Variants in TMEM39A observed in about 807,000 individuals in gnomAD.
TMEM39A encodes the protein suppressor of SQST-1 aggregates in rpl-43 mutants.
Under a neutral mutation model 51.9 loss-of-function variants are expected in TMEM39A, and 19 were observed. The observed-to-expected ratio is 0.37, with a 90% CI of 0.26 to 0.54. The LOEUF (loss-of-function observed/expected upper bound fraction) is 0.54, where lower values mean the gene tolerates loss of function less well. Ranked by LOEUF, TMEM39A falls within the 20% of genes least tolerant of loss-of-function variation. The pLI is 0.88. For synonymous variants in TMEM39A, 197 were observed against 220.2 expected, an observed-to-expected ratio of 0.89 and a Z score of 0.93; for missense variants, 433 against 590.5, an observed-to-expected ratio of 0.73 and a Z score of 2.76.
chr3:119,453,023 G>T (rs34834687), intron 3 of TMEM39A, among the ~76,000 whole-genome samples: 22,064 of 152,078 alleles, frequency 0.15, 2,010 homozygotes, highest in Admixed American at 0.2. Flanking sequence ...CTCCTAGTTT[G>T]ATTTAGAAGT....
Position 119,431,772 on chromosome 3 carries a change from C to T in TMEM39A, c.*209G>A, listed in dbSNP as rs556588258. 68 of 400,770 alleles carry T rather than the reference C, an allele frequency of 1.7e-4. No individual in the cohort carries two copies. The highest frequency in any genetic ancestry group is 2.7e-4 in the Non-Finnish European group (61 of 225,834). 24.8% of individuals were successfully genotyped at this position (400,770 alleles called of 1,614,324 possible). On this transcript the variant is annotated 3_prime_UTR_variant, in exon 9 of 9. Coordinates refer to ENST00000319172, the MANE Select transcript of TMEM39A (RefSeq NM_018266.3). ...CTCTTTACTGGACAGGCATACCTCT[C>T]ATATGTATATTATTCGAATATACTA...
At chr3:119,442,979 T>A (rs1265803374) in intron 5 of TMEM39A, among the ~76,000 whole-genome samples, 1 of 147,036 alleles carries the variant, frequency 6.8e-6, no homozygotes, top group African/African-American at 2.5e-5. Context: ...GGTGGGAGGA[T>A]CACTTGAGCC....
chr3:119,442,335 T>C (rs926353575), intron 5 of TMEM39A, among the ~76,000 whole-genome samples: 7 of 128,604 alleles, frequency 5.4e-5, no homozygotes, highest in South Asian at 2.6e-4. Context: ...AGAGAAAGAC[T>C]CCATCTCAAA....
intron 5 of TMEM39A, 34 bp downstream of exon 5, chr3:119,446,984 T>C (rs1269757830): frequency 9.4e-6 from 15 of 1,589,098 alleles, no homozygotes; most frequent in Non-Finnish European, 1.3e-5. Flanking sequence ...TTTCTAAAGA[T>C]TTACTAATAA....
rs372035209 is a variant in TMEM39A at position 119,447,092 on chromosome 3, T to A, written c.501A>T (p.Gly167=). The A allele has an allele frequency of 4.0e-5, 65 of 1,614,042 alleles. No individual in the cohort carries two copies. Among genetic ancestry groups the A allele is most frequent in the Non-Finnish European group, 5.2e-5 (61 of 1,180,012 alleles). ...TGACGAGGGTCCAACAAAGTACCCATCCACACAAAGTGAGTAGTACCAAGC... is the reference window on the plus strand; with the variant it reads ...TGACGAGGGTCCAACAAAGTACCCAACCACACAAAGTGAGTAGTACCAAGC... ...SARLVLLTLC[G]WVLCWTLVNL... The change falls in exon 5 of 9, where the codon GGA becomes GGT. Residue 167 remains glycine, a synonymous_variant. Transcript: ENST00000319172.
chr3:119,432,324 T>C (rs1228515392), intron 8 of TMEM39A, 110 bp from the exon 9 acceptor site: 1 of 686,216 alleles, frequency 1.5e-6, no homozygotes, highest in African/African-American at 1.8e-5. Flanking sequence ...TTCCCATATA[T>C]AATAATAAAT....
intron 5 of TMEM39A, among the ~76,000 whole-genome samples, chr3:119,438,604 T>G (rs186806818): frequency 6.6e-6 from 1 of 152,352 alleles, no homozygotes; most frequent in East Asian, 1.9e-4. Context: ...TACAATAGTA[T>G]TCTCATATAG....
intron 7 of TMEM39A, 147 bp downstream of exon 7, chr3:119,436,644 A>T: frequency 2.4e-6 from 2 of 830,628 alleles, no homozygotes; most frequent in Non-Finnish European, 3.8e-6. Flanking sequence ...CCTTGTATTC[A>T]GTTTAGCATG....
intron 4 of TMEM39A, among the ~76,000 whole-genome samples, chr3:119,450,771 A>G (rs2081187116): frequency 7.2e-6 from 1 of 138,970 alleles, no homozygotes; most frequent in Non-Finnish European, 1.5e-5. Context: ...GCATGAGCTG[A>G]GATGGCACCA....
At chr3:119,444,910 C>T (rs944666645) in intron 5 of TMEM39A, among the ~76,000 whole-genome samples, 10 of 152,058 alleles carry the variant, frequency 6.6e-5, no homozygotes, top group African/African-American at 2.2e-4. Flanking sequence ...CCTGTCTCTA[C>T]AAAACAAAAC....
chr3:119,432,798 T>C lies in TMEM39A; in HGVS notation c.1234-584A>G, dbSNP rs545052706. On this transcript the variant is annotated intron_variant, in intron 8 of 8. Coordinates refer to ENST00000319172, the MANE Select transcript of TMEM39A (RefSeq NM_018266.3). Reference sequence around the variant, plus strand: ...CTGTTTACCCACCATGGTCACTGACTGAAATCCTCTACACCATATACCTGT... The same window carrying C: ...CTGTTTACCCACCATGGTCACTGACCGAAATCCTCTACACCATATACCTGT... 4.3e-4 allele frequency among the ~76,000 whole-genome samples: 65 copies of C among 152,278 alleles called. 1 individual carries two copies. Among genetic ancestry groups the C allele is most frequent in the Middle Eastern group, 3.4e-3 (1 of 294 alleles).
intron 1 of TMEM39A, 108 bp from the exon 2 acceptor site, chr3:119,462,256 C>A: frequency 1.8e-6 from 1 of 556,270 alleles, no homozygotes; most frequent in South Asian, 2.1e-5. Flanking sequence ...GATTTTCAAA[C>A]GAATGTTCCC....
intron 1 of TMEM39A, among the ~76,000 whole-genome samples, 173 bp from the exon 2 acceptor site, chr3:119,462,321 CA>C (rs147687258): frequency 0.047 from 7,160 of 152,260 alleles, 231 homozygotes; most frequent in Non-Finnish European, 0.067. Flanking sequence ...TCTAATGGGT[CA>C]AAAGCCTAAG....
intron 3 of TMEM39A, among the ~76,000 whole-genome samples, chr3:119,453,803 T>C (rs1577063359): frequency 2.0e-5 from 3 of 152,246 alleles, no homozygotes; most frequent in Non-Finnish European, 1.5e-5. Context: ...GCTAAACCCA[T>C]ATCTTCAATA....
At chr3:119,461,622 C>T (rs1473176049) in intron 2 of TMEM39A, among the ~76,000 whole-genome samples, 1 of 151,922 alleles carries the variant, frequency 6.6e-6, no homozygotes, top group African/African-American at 2.4e-5. Flanking sequence ...TATAATTTGC[C>T]CTCTAAAAAA....
chr3:119,447,613 ATTTATT>A (rs945552608), intron 4 of TMEM39A, among the ~76,000 whole-genome samples: 2 of 151,664 alleles, frequency 1.3e-5, no homozygotes, highest in African/African-American at 4.9e-5. Context: ...TTATTTATTT[ATTTATT>A]TTTAATTTTT....
intron 5 of TMEM39A, among the ~76,000 whole-genome samples, chr3:119,440,666 C>T (rs988433132): frequency 4.6e-5 from 7 of 152,128 alleles, no homozygotes; most frequent in African/African-American, 1.7e-4. Flanking sequence ...GGAAATTAAA[C>T]ATGTTGCTAT....
At chr3:119,435,160 G>A in intron 7 of TMEM39A, 1 of 985,422 alleles carries the variant, frequency 1.0e-6, no homozygotes, top group Non-Finnish European at 1.2e-6. Context: ...AGACATAAAT[G>A]TGTAAGCCAG....
At chr3:119,454,310 T>G (rs1207980368) in intron 3 of TMEM39A, among the ~76,000 whole-genome samples, 1 of 152,322 alleles carries the variant, frequency 6.6e-6, no homozygotes, top group East Asian at 1.9e-4. Flanking sequence ...GGCTTGCCAC[T>G]CCTTAGATCA....
Sources: allele counts gnomAD v4.1 joint callset (sites outside exome capture counted in the v4.1 genomes callset), GRCh38; gene constraint gnomAD v4.1.1; transcripts MANE v1.5; gene names NCBI Gene and HGNC (gene_info 2026-07-23, HGNC 2026-07-21).